The following ANKRD30BL variants were observed in gnomAD, a reference collection of about 807,000 sequenced individuals.
ANKRD30BL encodes the protein ankyrin repeat domain 30B like.
ANKRD30BL carries 20 observed loss-of-function variants against 18.4 expected under a neutral mutation model. That is an observed-to-expected ratio of 1.09 (90% CI 0.77 to 1.58). The LOEUF (loss-of-function observed/expected upper bound fraction) is 1.58, where lower values mean the gene tolerates loss of function less well. Ranked by LOEUF, ANKRD30BL falls within the 40% of genes most tolerant of loss-of-function variation. The pLI is 0.00. For missense variants in ANKRD30BL, 224 were observed against 268.6 expected, an observed-to-expected ratio of 0.83 and a Z score of 1.16; for synonymous variants, 72 against 100.9, an observed-to-expected ratio of 0.71 and a Z score of 1.72.
intron 1 of ANKRD30BL, among the ~76,000 whole-genome samples, chr2:132,222,196 C>T (rs1383167762): frequency 4.1e-5 from 6 of 145,778 alleles, no homozygotes; most frequent in Admixed American, 2.1e-4. Context: ...CCAGCCGCCC[C>T]GTCCGGGAGG....
intron 1 of ANKRD30BL, among the ~76,000 whole-genome samples, chr2:132,236,802 G>A (rs1222955250): frequency 2.0e-5 from 3 of 151,832 alleles, no homozygotes; most frequent in African/African-American, 7.3e-5. Context: ...TATAAATCAT[G>A]CTGCTATAAA....
At chr2:132,208,879 G>C (rs1679262969) in intron 1 of ANKRD30BL, among the ~76,000 whole-genome samples, 1 of 151,880 alleles carries the variant, frequency 6.6e-6, no homozygotes, top group South Asian at 2.1e-4. Context: ...AAACTTCTTT[G>C]TGATGTGTGC....
intron 1 of ANKRD30BL, among the ~76,000 whole-genome samples, chr2:132,247,580 G>A (rs1680538877): frequency 6.6e-6 from 1 of 151,850 alleles, no homozygotes; most frequent in African/African-American, 2.4e-5. Flanking sequence ...TAGTTTTTAT[G>A]TGATGATATT....
intron 1 of ANKRD30BL, among the ~76,000 whole-genome samples, chr2:132,240,557 A>T (rs796682263): frequency 6.6e-6 from 1 of 151,544 alleles, no homozygotes; most frequent in Non-Finnish European, 1.5e-5. Flanking sequence ...AACTCACAGA[A>T]TTGAACTTTT....
At chr2:132,254,246 G>C (rs113042855) in intron 1 of ANKRD30BL, among the ~76,000 whole-genome samples, 1 of 151,686 alleles carries the variant, frequency 6.6e-6, no homozygotes, top group Non-Finnish European at 1.5e-5. Context: ...GCCATGCAAC[G>C]AACAAAGGGC....
In ANKRD30BL at chr2:132,198,316, CTTTCTTT is replaced by C. The variant is rs1679013924; in HGVS notation, n.442-41177_442-41171del. Reference sequence around the variant, plus strand: ...TCTTTCTTTCTTTCTTTCTTTCTTTCTTTCTTTCTTTTTTTTTTTTTTTTTTAGACAG... The same window carrying C: ...TCTTTCTTTCTTTCTTTCTTTCTTTCCTTTTTTTTTTTTTTTTTTAGACAG... On this transcript the variant is annotated intron_variant and non_coding_transcript_variant, in intron 1 of 4. Coordinates refer to the ANKRD30BL transcript ENST00000470729. Among the ~76,000 whole-genome samples, 4 of 11,532 alleles carry C rather than the reference CTTTCTTT, an allele frequency of 3.5e-4. 1 individual carries two copies. The highest frequency in any genetic ancestry group is 5.8e-3 in the South Asian group (2 of 344). The allele number at this position is 11,532 out of a possible 152,430, so 7.6% of individuals were successfully genotyped here. A position where few individuals can be genotyped will look rare whatever the true frequency, so the allele number is the denominator to read the frequency against.
chr2:132,242,931 G>T (rs1680378814), intron 1 of ANKRD30BL, among the ~76,000 whole-genome samples: 1 of 151,740 alleles, frequency 6.6e-6, no homozygotes, highest in South Asian at 2.1e-4. Context: ...TTTGTGATGT[G>T]TGTACTCAAC....
At chr2:132,192,316 T>C (rs1406582254) in intron 1 of ANKRD30BL, among the ~76,000 whole-genome samples, 2 of 152,102 alleles carry the variant, frequency 1.3e-5, no homozygotes, top group African/African-American at 4.8e-5. Context: ...TCATATGATC[T>C]TGCAGGACCT....
chr2:132,200,071 A>G (rs1679064427), intron 1 of ANKRD30BL, among the ~76,000 whole-genome samples: 3 of 152,226 alleles, frequency 2.0e-5, no homozygotes, highest in African/African-American at 7.2e-5. Flanking sequence ...CCACGTGAAA[A>G]GGTCTTTGAC....
chr2:132,248,286 C>T (rs1680554857), intron 1 of ANKRD30BL, among the ~76,000 whole-genome samples: 1 of 151,896 alleles, frequency 6.6e-6, no homozygotes, highest in Non-Finnish European at 1.5e-5. Context: ...CCTTTTTCAC[C>T]ATAGGCCTCA....
chr2:132,201,528 A>G (rs1679098107), intron 1 of ANKRD30BL, among the ~76,000 whole-genome samples: 1 of 152,218 alleles, frequency 6.6e-6, no homozygotes, highest in Non-Finnish European at 1.5e-5. Flanking sequence ...GCAGGCAAAA[A>G]ACACATGAAA....
chr2:132,199,212 T>C (rs186201347), intron 1 of ANKRD30BL, among the ~76,000 whole-genome samples: 5 of 151,970 alleles, frequency 3.3e-5, no homozygotes, highest in African/African-American at 1.2e-4. Flanking sequence ...TAAAAAAAAT[T>C]AGCTTGGCTT....
At chr2:132,244,943 T>C (rs1359352897) in intron 1 of ANKRD30BL, among the ~76,000 whole-genome samples, 2 of 152,404 alleles carry the variant, frequency 1.3e-5, no homozygotes, top group African/African-American at 2.4e-5. Flanking sequence ...CCATAAAAAC[T>C]ACACAGAAGC....
upstream of ANKRD30BL, among the ~76,000 whole-genome samples, chr2:132,165,088 C>CAA (rs59683141): frequency 2.9e-4 from 43 of 150,616 alleles, no homozygotes; most frequent in Admixed American, 1.5e-3. Flanking sequence ...AAAAAACAAA[C>CAA]AAAAAAAAAC....
intron 1 of ANKRD30BL, among the ~76,000 whole-genome samples, chr2:132,180,883 T>C (rs4245832): frequency 0.99 from 150,299 of 152,260 alleles, 74,194 homozygotes; most frequent in East Asian, 1. Flanking sequence ...CGAGGTGGCT[T>C]ATGCCTGTAA....
chr2:132,194,933 C>T (rs1678933559), intron 1 of ANKRD30BL, among the ~76,000 whole-genome samples: 1 of 152,162 alleles, frequency 6.6e-6, no homozygotes, highest in African/African-American at 2.4e-5. Flanking sequence ...TTTTTTGTAA[C>T]ATGCATATGA....
At chr2:132,201,851 A>T (rs1482636348) in intron 1 of ANKRD30BL, among the ~76,000 whole-genome samples, 1 of 152,238 alleles carries the variant, frequency 6.6e-6, no homozygotes, top group East Asian at 1.9e-4. Context: ...ACGTATGTTT[A>T]TTGTGGCATT....
rs1688064803 is a variant in ANKRD30BL, at chr2:132,161,626, G to C, written c.80C>G (p.Thr27Ser). Residue 27 changes from threonine (T) to serine (S), a missense_variant, in exon 1 of 6, where the codon ACC becomes AGC. This residue lies in a region of ANKRD30BL where 131 missense variants were observed against 128.8 expected (regional missense o/e 1.02). Transcript: ENST00000409867. ...GTGAATCACGTAAGAGTCGTTGTTG[G>C]TGTAGACCAGCTGACTGAAGGGGCT... ...RPSPFSQLVY[T>S]NNDSYVIHHG... 52 of 1,452,342 alleles carry C rather than the reference G, an allele frequency of 3.6e-5. No homozygotes were observed. Among genetic ancestry groups the C allele is most frequent in the Non-Finnish European group, 4.7e-5 (50 of 1,059,438 alleles). 90.0% of individuals were successfully genotyped at this position (1,452,342 alleles called of 1,614,324 possible).
chr2:132,160,401 CTT>C (rs33924872), intron 1 of ANKRD30BL, among the ~76,000 whole-genome samples: 4 of 97,566 alleles, frequency 4.1e-5, no homozygotes, highest in East Asian at 2.9e-4. Flanking sequence ...ACGCCTGGCC[CTT>C]TTTTTTTTTT....
Sources: gnomAD v4.1 joint callset for allele counts (sites outside exome capture counted in the v4.1 genomes callset) on GRCh38, gnomAD v4.1.1 for gene constraint, gnomAD v4.1.1 regional missense constraint, MANE v1.5 for transcripts, NCBI Gene and HGNC (gene_info 2026-07-23, HGNC 2026-07-21) for gene names.